Variants in GAS2L2 observed in about 807,000 individuals in gnomAD.
GAS2L2 encodes GAS2-like protein 2.
GAS2L2 carries 21 observed loss-of-function variants against 35.2 expected under a neutral mutation model. That is an observed-to-expected ratio of 0.60 (90% CI 0.42 to 0.86). The LOEUF (loss-of-function observed/expected upper bound fraction) is 0.86, where lower values mean the gene tolerates loss of function less well. GAS2L2 is among the 40% of genes least tolerant of loss of function. The pLI, the probability that GAS2L2 is intolerant of heterozygous loss-of-function variation, is 0.00. For synonymous variants in GAS2L2, 490 were observed against 473.2 expected, an observed-to-expected ratio of 1.04 and a Z score of -0.46; for missense variants, 1,169 against 1,144.4, an observed-to-expected ratio of 1.02 and a Z score of -0.31.
intron 5 of GAS2L2, 95 bp downstream of exon 5, chr17:35,746,921 G>T: frequency 7.6e-7 from 1 of 1,316,954 alleles, no homozygotes; most frequent in East Asian, 2.4e-5. Flanking sequence ...TAGAGGCACT[G>T]CCGAGGATCT....
Position 35,747,116 on chromosome 17 carries a change from A to C in GAS2L2, c.985T>G (p.Ser329Ala). The C allele has an allele frequency of 6.2e-7, 1 of 1,613,592 alleles. No homozygotes were observed. The part of the protein sequence containing the change: ...PPVDWKTYTS[S>A]DRRLRPPTPS... ...GTGGGGGGCCTCAGCCTTCGGTCTG[A>C]AGAGGTATATGTCTTCCAGTCCACA... The change falls in exon 5 of 6, where the codon TCA becomes GCA. Residue 329 changes from serine (S) to alanine (A), a missense_variant. Physicochemically the swap from Ser to Ala is moderately conservative, Grantham distance 99. Around this residue, in one of 3 missense-constraint regions of GAS2L2, gnomAD observed 1,035 missense variants for 976.5 expected, o/e 1.06. Coordinates refer to ENST00000604641, the MANE Select transcript of GAS2L2 (RefSeq NM_139285.4).
intron 1 of GAS2L2, among the ~76,000 whole-genome samples, chr17:35,750,753 C>T (rs1466647480): frequency 1.3e-5 from 2 of 152,182 alleles, no homozygotes; most frequent in Non-Finnish European, 2.9e-5. Flanking sequence ...ATCTCAAACT[C>T]AGCTCCCACC....
chr17:35,750,423 C>T (rs1425107178), intron 1 of GAS2L2, 105 bp from the exon 2 acceptor site: 12 of 1,459,922 alleles, frequency 8.2e-6, no homozygotes, highest in Non-Finnish European at 3.8e-6. Flanking sequence ...GGGTCATCCC[C>T]GGTCTGGGGC....
Position 35,745,161 on chromosome 17 carries a change from C to T in GAS2L2, c.2336G>A (p.Arg779Lys), listed in dbSNP as rs141070373. The T allele has an allele frequency of 9.5e-5, 154 of 1,612,790 alleles. No individual in the cohort carries two copies. In the East Asian group the frequency reaches 3.4e-3, roughly 36 times the overall value. The change falls in exon 6 of 6, where the codon AGG (arginine) becomes AAG (lysine). Residue 779 changes from arginine to lysine, a missense_variant. Physicochemically the swap from Arg to Lys is conservative, Grantham distance 26 (BLOSUM62 2). Around this residue, in one of 3 missense-constraint regions of GAS2L2, gnomAD observed 1,035 missense variants for 976.5 expected, o/e 1.06. Transcript: ENST00000604641. ...CCTGTGGTCTCTCCGGGGCCGAATC[C>T]TGGGTCTCAGCTTCAGCTTGTAGAT... ...PSIYKLKLRP[R>K]IRPRRDHRPE...
rs202192424 is a variant in GAS2L2 at position 35,747,921 on chromosome 17, G to A, written c.760C>T (p.Arg254Cys). Reference protein sequence around the residue: ...IRILRNHVMVRVGGGWDTLGH... With the variant: ...IRILRNHVMVCVGGGWDTLGH... Reference sequence around the variant, plus strand: ...AGTGTGTCCCAGCCGCCCCCTACACGTACCATCACATGGTTCCGGAGGATC... The same window carrying A: ...AGTGTGTCCCAGCCGCCCCCTACACATACCATCACATGGTTCCGGAGGATC... Residue 254 changes from arginine to cysteine, a missense_variant, in exon 4 of 6, where the codon CGT (arginine) becomes TGT (cysteine). By Grantham distance (180) the Arg-to-Cys change is radical. This residue lies in a region of GAS2L2 where 1,035 missense variants were observed against 976.5 expected (regional missense o/e 1.06). Coordinates refer to ENST00000604641, the MANE Select transcript of GAS2L2 (RefSeq NM_139285.4). 156 of 1,613,814 alleles carry A rather than the reference G, an allele frequency of 9.7e-5. No homozygotes were observed. Among genetic ancestry groups the A allele is most frequent in the Non-Finnish European group, 1.1e-4 (132 of 1,179,828 alleles).
intron 1 of GAS2L2, among the ~76,000 whole-genome samples, chr17:35,750,935 C>A (rs55906604): frequency 0.021 from 3,232 of 152,312 alleles, 72 homozygotes; most frequent in East Asian, 0.12. Context: ...TGGATATGCT[C>A]ATAGTTGCTA....
Position 35,745,279 on chromosome 17 carries a change from T to G in GAS2L2, c.2218A>C (p.Thr740Pro). 6.2e-7 allele frequency: 1 copy of G among 1,611,486 alleles called. No individual in the cohort carries two copies. Among genetic ancestry groups the G allele is most frequent in the South Asian group, 1.1e-5 (1 of 90,736 alleles). The change falls in exon 6 of 6, where the codon ACA becomes CCA. Residue 740 changes from threonine (T) to proline (P), a missense_variant. Coordinates refer to ENST00000604641, the MANE Select transcript of GAS2L2 (RefSeq NM_139285.4). ...STVSASPEAP[T>P]PSPLDPNSDK... ...GAGTTGGGGTCCAAGGGCGAAGGTG[T>G]GGGGGCCTCCGGGCTGGCAGACACA... is the stretch of plus-strand genomic sequence containing the variant.
intron 1 of GAS2L2, among the ~76,000 whole-genome samples, chr17:35,751,525 A>G (rs990047729): frequency 5.3e-5 from 8 of 151,940 alleles, no homozygotes; most frequent in African/African-American, 1.7e-4. Context: ...AAAATTAGCC[A>G]GGCGTGGTGG....
rs937056712 is a variant in GAS2L2, at chr17:35,744,981, T to G, written c.2516A>C (p.Glu839Ala). The change falls in exon 6 of 6, where the codon GAG (glutamate) becomes GCG (alanine). Residue 839 changes from glutamate to alanine, a missense_variant. This residue lies in a region of GAS2L2 where 1,035 missense variants were observed against 976.5 expected (regional missense o/e 1.06). Coordinates refer to ENST00000604641, the MANE Select transcript of GAS2L2 (RefSeq NM_139285.4). ...RVDGASVGEEEEEGKEEKEPA... is the reference protein window; with the variant it reads ...RVDGASVGEEAEEGKEEKEPA... Reference sequence around the variant, plus strand: ...CTCTTTCTCCTCCTTTCCTTCCTCCTCCTCCTCACCTACTGAAGCTCCATC... The same window carrying G: ...CTCTTTCTCCTCCTTTCCTTCCTCCGCCTCCTCACCTACTGAAGCTCCATC... The G allele has an allele frequency of 6.2e-7, 1 of 1,614,076 alleles. No individual in the cohort carries two copies. The highest frequency in any genetic ancestry group is 2.2e-5 in the East Asian group (1 of 44,876).
rs1020026089 is a variant in GAS2L2 at position 35,749,984 on chromosome 17, G to C, written c.627+93C>G. On this transcript the variant is annotated intron_variant, in intron 2 of 5. Coordinates refer to ENST00000604641, the MANE Select transcript of GAS2L2 (RefSeq NM_139285.4). ...AGGGTGGACAATGGAGCTCAAGAAG[G>C]GGGTGGGTTAGTGGGGGCTGGAGTG... The C allele has an allele frequency of 2.9e-5, 33 of 1,151,918 alleles. No homozygotes were observed. In the African/African-American group the frequency reaches 3.0e-4, roughly 10 times the overall value. 71.4% of individuals were successfully genotyped at this position (1,151,918 alleles called of 1,614,324 possible).
At chr17:35,749,040 A>G in intron 3 of GAS2L2, 70 bp downstream of exon 3, 1 of 907,740 alleles carries the variant, frequency 1.1e-6, no homozygotes, top group Non-Finnish European at 1.8e-6. Context: ...TGGGAGACTT[A>G]GTGTCATTGT....
intron 1 of GAS2L2, 83 bp downstream of exon 1, chr17:35,752,383 A>C: frequency 8.1e-6 from 11 of 1,355,512 alleles, no homozygotes; most frequent in Non-Finnish European, 1.1e-5. Flanking sequence ...CCTGCCCCCC[A>C]GAGCTAGCCT....
chr17:35,746,237 C>A lies in GAS2L2; in HGVS notation c.1260G>T (p.Trp420Cys), dbSNP rs1555598963. ...ELPRGRIPTS[W>C]VHEETDSWGT... ...CCCAGCTGTCTGTTTCTTCATGAAC[C>A]CAAGATGTGGGAATCCTTCCCCTGG... The change falls in exon 6 of 6, where the codon TGG becomes TGT. Residue 420 changes from tryptophan to cysteine, a missense_variant. By Grantham distance (215) the Trp-to-Cys change is radical. Around this residue, in one of 3 missense-constraint regions of GAS2L2, gnomAD observed 1,035 missense variants for 976.5 expected, o/e 1.06. Transcript: ENST00000604641. The A allele has an allele frequency of 1.4e-6, 2 of 1,473,538 alleles. No homozygotes were observed. The highest frequency in any genetic ancestry group is 1.4e-5 in the African/African-American group (1 of 71,302). The allele number at this position is 1,473,538 out of a possible 1,614,324, so 91.3% of individuals were successfully genotyped here. A position where few individuals can be genotyped will look rare whatever the true frequency, so the allele number is the denominator to read the frequency against.
At chr17:35,748,801 A>G (rs1323090337) in intron 3 of GAS2L2, among the ~76,000 whole-genome samples, 1 of 152,188 alleles carries the variant, frequency 6.6e-6, no homozygotes, top group Non-Finnish European at 1.5e-5. Flanking sequence ...AGATTAGGCT[A>G]CAGTGGAGGA....
Position 35,745,628 on chromosome 17 carries a change from C to G in GAS2L2, c.1869G>C (p.Gln623His). 1 of 1,613,950 alleles carries G rather than the reference C, an allele frequency of 6.2e-7. No homozygotes were observed. The highest frequency in any genetic ancestry group is 8.5e-7 in the Non-Finnish European group (1 of 1,180,032). ...GAGGGATGACCCCAGACCTTGTGCC[C>G]TGCGGACAGGCACTCCTGACTTCTA... Reference protein sequence around the residue: ...KLLEVRSACPQGTRSGVIPRS... With the variant: ...KLLEVRSACPHGTRSGVIPRS... The change falls in exon 6 of 6, where the codon CAG becomes CAC. Residue 623 changes from glutamine to histidine, a missense_variant. By Grantham distance (24) the Gln-to-His change is conservative. Around this residue, in one of 3 missense-constraint regions of GAS2L2, gnomAD observed 1,035 missense variants for 976.5 expected, o/e 1.06. Coordinates refer to ENST00000604641, the MANE Select transcript of GAS2L2 (RefSeq NM_139285.4).
At position 35,745,856 on chromosome 17, in the gene GAS2L2, C is replaced by T. The variant is rs1436025476; in HGVS notation, c.1641G>A (p.Gly547=). The T allele has an allele frequency of 6.2e-6, 10 of 1,613,718 alleles. No homozygotes were observed. Among genetic ancestry groups the T allele is most frequent in the Non-Finnish European group, 8.5e-6 (10 of 1,180,040 alleles). ...CCACAGAGCAGTCCCCATGCGTGGA[C>T]CCAGCCAGGTCCACAGTGACGGCCC... ...PLRAVTVDLA[G]STHGDCSVEV... The change falls in exon 6 of 6, where the codon GGG becomes GGA. Residue 547 remains glycine, a synonymous_variant. Transcript: ENST00000604641.
At chr17:35,751,568 G>C (rs2085703357) in intron 1 of GAS2L2, among the ~76,000 whole-genome samples, 1 of 151,724 alleles carries the variant, frequency 6.6e-6, no homozygotes, top group African/African-American at 2.4e-5. Context: ...CTCAGGAGAT[G>C]AGGCACATAT....
Position 35,746,296 on chromosome 17 carries a change from C to T in GAS2L2, c.1201G>A (p.Gly401Arg), listed in dbSNP as rs782162209. ...GGGGGGTATCTCTCCTCCCTCTTTC[C>T]TGACGAGGTACACTGTGGGTCTCGG... ...KGRDPQCTSS[G>R]KREERYPPEL... Residue 401 changes from glycine (G) to arginine (R), a missense_variant, in exon 6 of 6, where the codon GGA (glycine) becomes AGA (arginine). Coordinates refer to ENST00000604641, the MANE Select transcript of GAS2L2 (RefSeq NM_139285.4). The T allele has an allele frequency of 2.9e-5, 42 of 1,431,300 alleles. 1 individual carries two copies. The South Asian group carries it at 7.5e-4, about 25-fold the overall frequency. 88.7% of individuals were successfully genotyped at this position (1,431,300 alleles called of 1,614,324 possible).
Position 35,745,235 on chromosome 17 carries a change from A to C in GAS2L2, c.2262T>G (p.Cys754Trp). 1 of 1,606,220 alleles carries C rather than the reference A, an allele frequency of 6.2e-7. No individual in the cohort carries two copies. Among genetic ancestry groups the C allele is most frequent in the East Asian group, 2.2e-5 (1 of 44,730 alleles). Reference sequence around the variant, plus strand: ...GGAGAGTTCTCCTGCCCTTGCTCAGACATGCCTTGGCTTTGTCAGAGTTGG... The same window carrying C: ...GGAGAGTTCTCCTGCCCTTGCTCAGCCATGCCTTGGCTTTGTCAGAGTTGG... ...LDPNSDKAKACLSKGRRTLRK... is the reference protein window; with the variant it reads ...LDPNSDKAKAWLSKGRRTLRK... Residue 754 changes from cysteine (C) to tryptophan (W), a missense_variant, in exon 6 of 6, where the codon TGT becomes TGG. This residue lies in a region of GAS2L2 where 1,035 missense variants were observed against 976.5 expected (regional missense o/e 1.06). Transcript: ENST00000604641.
Sources: allele counts gnomAD v4.1 joint callset (sites outside exome capture counted in the v4.1 genomes callset), GRCh38; gene constraint gnomAD v4.1.1; regional missense constraint gnomAD v4.1.1; transcripts MANE v1.5; gene names NCBI Gene and HGNC (gene_info 2026-07-23, HGNC 2026-07-21).